Variants in DGKB observed in about 807,000 individuals in gnomAD.
DGKB encodes the protein diacylglycerol kinase beta.
DGKB carries 67 observed loss-of-function variants against 114.3 expected under a neutral mutation model. The observed-to-expected ratio is 0.59, with a 90% CI of 0.48 to 0.72. The LOEUF is 0.72. Among genes scored for constraint, DGKB ranks in the 30% least tolerant of loss-of-function variants. The pLI, the probability that DGKB is intolerant of heterozygous loss-of-function variation, is 0.00. For synonymous variants in DGKB, 398 were observed against 323.1 expected (o/e 1.23, Z -2.49); for missense variants, 907 against 975.2 (o/e 0.93, Z 0.93).
intron 20 of DGKB, among the ~76,000 whole-genome samples, chr7:14,570,618 GA>G (rs536032591): frequency 9.5e-4 from 145 of 152,122 alleles, no homozygotes; most frequent in Non-Finnish European, 1.8e-3. Context: ...AAAATGTTAA[GA>G]AAATTATAAG....
At chr7:14,818,446 C>T (rs1844466480) in intron 2 of DGKB, among the ~76,000 whole-genome samples, 1 of 152,066 alleles carries the variant, frequency 6.6e-6, no homozygotes. Context: ...GGCTGTGTGG[C>T]CCACTGTGTT....
rs1392231496 is a variant in DGKB, at chr7:14,933,749, TTCCTCGTTTGTC to T, written c.-188+40935_-188+40946del. On this transcript the variant is annotated intron_variant, in intron 1 of 4. Coordinates refer to the DGKB transcript ENST00000437998. ...TAACAAGCTTCTACAGAATACAAATTTCCTCGTTTGTCTCTTTTATGTTTTGCTGCTCTTCGA... is the reference window on the plus strand; with the variant it reads ...TAACAAGCTTCTACAGAATACAAATTTCTTTTATGTTTTGCTGCTCTTCGA... Among the ~76,000 whole-genome samples the T allele has an allele frequency of 3.9e-5, 6 of 152,268 alleles. No homozygotes were observed. In the South Asian group the frequency reaches 8.3e-4, roughly 21 times the overall value.
intron 2 of DGKB, among the ~76,000 whole-genome samples, chr7:14,761,332 T>G (rs773331559): frequency 6.6e-6 from 1 of 152,190 alleles, no homozygotes; most frequent in Non-Finnish European, 1.5e-5. Flanking sequence ...TTACATGAAT[T>G]ATCTACATGT....
chr7:14,874,384 C>A (rs1852941511), intron 1 of DGKB, among the ~76,000 whole-genome samples: 4 of 152,044 alleles, frequency 2.6e-5, no homozygotes. Context: ...GCATTTTCCA[C>A]ATTTCAGATT....
intron 1 of DGKB, among the ~76,000 whole-genome samples, chr7:14,850,619 C>A (rs1849225385): frequency 6.6e-6 from 1 of 152,054 alleles, no homozygotes; most frequent in South Asian, 2.1e-4. Flanking sequence ...TAGTGATGAA[C>A]TGAGAGTTGA....
chr7:14,781,317 G>C (rs1441475821), intron 2 of DGKB, among the ~76,000 whole-genome samples: 3 of 151,914 alleles, frequency 2.0e-5, no homozygotes, highest in Non-Finnish European at 2.9e-5. Context: ...TCACATTCTG[G>C]GTCCTCCATA....
At chr7:14,338,360 T>A (rs999884609) in intron 23 of DGKB, among the ~76,000 whole-genome samples, 155 bp downstream of exon 23, 1 of 152,138 alleles carries the variant, frequency 6.6e-6, no homozygotes, top group African/African-American at 2.4e-5. Context: ...TCTATTGTGA[T>A]ATAAGTTAAT....
At chr7:14,695,796 C>G (rs968296119) in intron 8 of DGKB, among the ~76,000 whole-genome samples, 7 of 151,858 alleles carry the variant, frequency 4.6e-5, no homozygotes, top group Non-Finnish European at 8.8e-5. Flanking sequence ...CTTGAGCCAC[C>G]GAGCCCGGCC....
At chr7:14,939,806 G>A (rs575327087) in intron 1 of DGKB, among the ~76,000 whole-genome samples, 37 of 151,748 alleles carry the variant, frequency 2.4e-4, no homozygotes, top group African/African-American at 8.7e-4. Context: ...GTAGAGACAG[G>A]ATTTCACCGT....
chr7:14,752,747 T>C (rs1834307306), intron 4 of DGKB, among the ~76,000 whole-genome samples: 1 of 152,166 alleles, frequency 6.6e-6, no homozygotes, highest in South Asian at 2.1e-4. Context: ...TCAGACAGCC[T>C]CTAGTAAGGA....
chr7:14,531,435 C>A (rs923545356), intron 20 of DGKB, among the ~76,000 whole-genome samples: 1 of 151,132 alleles, frequency 6.6e-6, no homozygotes, highest in Non-Finnish European at 1.5e-5. Context: ...ACAGTAAAGT[C>A]AAAAAATTAT....
intron 21 of DGKB, among the ~76,000 whole-genome samples, chr7:14,356,288 C>G (rs1047961993): frequency 1.3e-5 from 2 of 150,890 alleles, no homozygotes; most frequent in African/African-American, 4.9e-5. Context: ...CAGTTCTGCC[C>G]TGATCTTAGT....
At chr7:14,273,365 TAAAA>T (rs998061117) in intron 23 of DGKB, among the ~76,000 whole-genome samples, 9 of 151,556 alleles carry the variant, frequency 5.9e-5, no homozygotes, top group African/African-American at 1.2e-4. Flanking sequence ...AAAAAATACA[TAAAA>T]AGAAAGAAAG....
chr7:14,776,783 T>C (rs1450771867), intron 2 of DGKB, among the ~76,000 whole-genome samples: 2 of 152,222 alleles, frequency 1.3e-5, no homozygotes, highest in South Asian at 2.1e-4. Flanking sequence ...AGAGCCCTTA[T>C]ACAGCACAGA....
chr7:14,275,359 T>G (rs1798849180), intron 23 of DGKB, among the ~76,000 whole-genome samples: 1 of 152,214 alleles, frequency 6.6e-6, no homozygotes, highest in Admixed American at 6.5e-5. Context: ...TAATATTGGA[T>G]TATGAGCATT....
At position 14,685,371 on chromosome 7, in the gene DGKB, G is replaced by A. The variant is rs187980934; in HGVS notation, c.712-9C>T. Reference sequence around the variant, plus strand: ...CCATCATCCTTCACGTTCTGCATGGGACGTAAGAGAAACAGATTTCACTTA... The same window carrying A: ...CCATCATCCTTCACGTTCTGCATGGAACGTAAGAGAAACAGATTTCACTTA... On this transcript the variant is annotated splice_polypyrimidine_tract_variant and intron_variant, in intron 9 of 25. Transcript: ENST00000402815. 2.9e-4 allele frequency: 467 copies of A among 1,589,216 alleles called. 3 individuals are homozygous for A. In the African/African-American group the frequency reaches 4.9e-3, roughly 17 times the overall value.
chr7:14,567,426 T>TG lies in DGKB; in HGVS notation c.1770+6785_1770+6786insC, dbSNP rs373883403. 2.5e-4 allele frequency among the ~76,000 whole-genome samples: 12 copies of TG among 48,626 alleles called. 1 individual carries two copies. The highest frequency in any genetic ancestry group is 1.1e-3 in the African/African-American group (11 of 10,322). 31.9% of individuals were successfully genotyped at this position (48,626 alleles called of 152,430 possible). A position where few individuals can be genotyped will look rare whatever the true frequency, so the allele number is the denominator to read the frequency against. On this transcript the variant is annotated intron_variant, in intron 20 of 25. Coordinates refer to ENST00000402815, the MANE Select transcript of DGKB (RefSeq NM_001350709.2). ...TTATATATATTATATATTTATATAT[T>TG]ATATATATAATTATATTATATATTA...
intron 1 of DGKB, among the ~76,000 whole-genome samples, chr7:14,954,241 C>G (rs1477302175): frequency 6.6e-6 from 1 of 152,026 alleles, no homozygotes; most frequent in East Asian, 1.9e-4. Flanking sequence ...TTCTAACAAG[C>G]TGGCAACTGA....
At chr7:14,600,329 C>G (rs1210373668) in intron 17 of DGKB, among the ~76,000 whole-genome samples, 2 of 152,162 alleles carry the variant, frequency 1.3e-5, no homozygotes, top group African/African-American at 4.8e-5. Context: ...GATTAAGGTT[C>G]AATATAAATT....
Sources: allele counts gnomAD v4.1 joint callset (sites outside exome capture counted in the v4.1 genomes callset), GRCh38; gene constraint gnomAD v4.1.1; transcripts MANE v1.5; gene names NCBI Gene and HGNC (gene_info 2026-07-23, HGNC 2026-07-21).